The following FGF14 variants were observed in gnomAD, a reference collection of about 807,000 sequenced individuals.
The protein encoded by FGF14 is fibroblast growth factor homologous factor 4.
Under a neutral mutation model 25.5 loss-of-function variants are expected in FGF14, and 5 were observed. The observed-to-expected ratio is 0.20, with a 90% confidence interval of 0.10 to 0.41. The LOEUF (loss-of-function observed/expected upper bound fraction) is 0.41, where lower values mean the gene tolerates loss of function less well. FGF14 is among the 10% of genes least tolerant of loss of function. The probability of loss-of-function intolerance (pLI) is 1.00; values close to 1 mark genes in which losing one functional copy is unlikely to be tolerated. For synonymous variants in FGF14, 138 were observed against 118.3 expected (o/e 1.17, Z -1.08); for missense variants, 222 against 320.1 (o/e 0.69, Z 2.34).
At chr13:102,255,033 C>T (rs112894494) in intron 1 of FGF14, among the ~76,000 whole-genome samples, 7,035 of 152,242 alleles carry the variant, frequency 0.046, 232 homozygotes, top group Non-Finnish European at 0.074. Context: ...ATTTGAAACC[C>T]CTTTTATTCT....
chr13:102,118,276 T>C (rs1313148254), intron 1 of FGF14, among the ~76,000 whole-genome samples: 1 of 151,992 alleles, frequency 6.6e-6, no homozygotes, highest in East Asian at 1.9e-4. Flanking sequence ...AATAAATATA[T>C]TGTTATTAGG....
chr13:101,738,850 T>C (rs902686196), intron 3 of FGF14, among the ~76,000 whole-genome samples: 1 of 151,344 alleles, frequency 6.6e-6, no homozygotes, highest in East Asian at 1.9e-4. Flanking sequence ...AATTGGTATA[T>C]ATATATATAC....
chr13:102,060,970 A>G (rs1385714615), intron 1 of FGF14, among the ~76,000 whole-genome samples: 1 of 152,202 alleles, frequency 6.6e-6, no homozygotes, highest in Non-Finnish European at 1.5e-5. Context: ...CAGGTCATTG[A>G]TGGCGGAACA....
chr13:101,992,581 G>A (rs1472238724), intron 1 of FGF14, among the ~76,000 whole-genome samples: 1 of 152,050 alleles, frequency 6.6e-6, no homozygotes, highest in Non-Finnish European at 1.5e-5. Context: ...ATGAAAAAAA[G>A]TGAACAAGAT....
At chr13:101,853,897 T>C (rs2043987672) in intron 3 of FGF14, among the ~76,000 whole-genome samples, 1 of 152,132 alleles carries the variant, frequency 6.6e-6, no homozygotes, top group South Asian at 2.1e-4. Flanking sequence ...TCTCTATTAA[T>C]TTTATTTCAA....
chr13:101,778,769 C>G (rs1463206774), intron 3 of FGF14: 1 of 151,972 alleles, frequency 6.6e-6, no homozygotes, highest in African/African-American at 2.4e-5. Flanking sequence ...ATGTATGTAT[C>G]TATAGATAGA....
intron 1 of FGF14, among the ~76,000 whole-genome samples, chr13:102,174,069 A>G (rs770289389): frequency 2.6e-5 from 4 of 152,126 alleles, no homozygotes; most frequent in Non-Finnish European, 4.4e-5. Flanking sequence ...AAAGACTCCT[A>G]AACTTGATAA....
At chr13:102,175,116 A>C (rs1177315243) in intron 1 of FGF14, among the ~76,000 whole-genome samples, 1 of 152,164 alleles carries the variant, frequency 6.6e-6, no homozygotes, top group Non-Finnish European at 1.5e-5. Flanking sequence ...TGTAGAACCA[A>C]AAAACAGCCT....
At chr13:102,316,296 G>C (rs919938912) in intron 1 of FGF14, among the ~76,000 whole-genome samples, 1 of 152,168 alleles carries the variant, frequency 6.6e-6, no homozygotes, top group African/African-American at 2.4e-5. Flanking sequence ...CAAAAGCAAT[G>C]TTACCAACAA....
At chr13:102,122,953 C>T (rs2045795197) in intron 1 of FGF14, among the ~76,000 whole-genome samples, 1 of 152,150 alleles carries the variant, frequency 6.6e-6, no homozygotes, top group Admixed American at 6.6e-5. Flanking sequence ...CCTTAGCCTG[C>T]CCTTTACCTA....
intron 1 of FGF14, among the ~76,000 whole-genome samples, chr13:102,197,609 T>G (rs2049421346): frequency 6.6e-6 from 1 of 151,748 alleles, no homozygotes; most frequent in South Asian, 2.1e-4. Flanking sequence ...AATTATATAT[T>G]TATACATAAT....
At chr13:101,802,186 A>G in intron 3 of FGF14, 1 of 247,272 alleles carries the variant, frequency 4.0e-6, no homozygotes. Flanking sequence ...TCAGAAGTCC[A>G]CTTCAAGGTC....
intron 1 of FGF14, among the ~76,000 whole-genome samples, chr13:101,935,251 C>T (rs1434564446): frequency 6.6e-6 from 1 of 152,220 alleles, no homozygotes; most frequent in Non-Finnish European, 1.5e-5. Context: ...TTCAGGGCTA[C>T]ATCCAGCAGC....
chr13:102,236,774 G>A (rs1330153425), intron 1 of FGF14, among the ~76,000 whole-genome samples: 1 of 152,198 alleles, frequency 6.6e-6, no homozygotes, highest in Non-Finnish European at 1.5e-5. Context: ...TGGGTGTCTA[G>A]TAAGTCCACA....
intron 1 of FGF14, among the ~76,000 whole-genome samples, chr13:102,169,110 T>A (rs2048139079): frequency 6.6e-6 from 1 of 151,202 alleles, no homozygotes. Context: ...TGAAGCTTTG[T>A]AAGATTCGTA....
intron 3 of FGF14, among the ~76,000 whole-genome samples, chr13:101,796,530 A>G (rs964516861): frequency 1.7e-4 from 26 of 152,170 alleles, no homozygotes; most frequent in African/African-American, 6.0e-4. Context: ...CTACCACTTC[A>G]GAGTACAACT....
chr13:101,786,720 C>A (rs1178750134), intron 3 of FGF14, among the ~76,000 whole-genome samples: 2 of 152,172 alleles, frequency 1.3e-5, no homozygotes, highest in African/African-American at 4.8e-5. Flanking sequence ...GGGGTTAGGA[C>A]TCCAACATAC....
intron 3 of FGF14, among the ~76,000 whole-genome samples, chr13:101,811,565 A>C (rs1223303232): frequency 6.6e-6 from 1 of 152,210 alleles, no homozygotes; most frequent in Non-Finnish European, 1.5e-5. Context: ...TAAAGCTGCT[A>C]TAAACATCTG....
intron 3 of FGF14, among the ~76,000 whole-genome samples, chr13:101,785,417 T>C (rs1453908130): frequency 6.7e-6 from 1 of 150,310 alleles, no homozygotes; most frequent in African/African-American, 2.4e-5. Context: ...ATTTTCTATA[T>C]TAATAAATAA....
Sources: allele counts gnomAD v4.1 joint callset (sites outside exome capture counted in the v4.1 genomes callset), GRCh38; gene constraint gnomAD v4.1.1; transcripts MANE v1.5; gene names NCBI Gene and HGNC (gene_info 2026-07-23, HGNC 2026-07-21).